The following KRT18 variants were observed in gnomAD, a reference collection of about 807,000 sequenced individuals.
KRT18 encodes the protein keratin 18, also known as keratin, type I cytoskeletal 18.
In KRT18, 8 loss-of-function variants were observed where a neutral mutation model predicts 39.9. That is an observed-to-expected ratio of 0.20 (90% CI 0.12 to 0.36). KRT18 has a LOEUF of 0.36. KRT18 is among the 10% of genes least tolerant of loss of function. The pLI, the probability that KRT18 is intolerant of heterozygous loss-of-function variation, is 1.00. For synonymous variants in KRT18, 194 were observed against 227.8 expected (o/e 0.85, Z 1.33); for missense variants, 396 against 565.7 (o/e 0.70, Z 3.04).
Position 52,950,313 on chromosome 12 carries a change from C to T in KRT18, c.418-15C>T, listed in dbSNP as rs778002761. On this transcript the variant is annotated splice_polypyrimidine_tract_variant and intron_variant, in intron 1 of 6. Transcript: ENST00000388835. ...TTTCTATTCATGGAACAACCTCTCT[C>T]TACAATCCCTCCAGATCTTCGCAAA... is the stretch of plus-strand genomic sequence containing the variant. 195 of 1,578,268 alleles carry T rather than the reference C, an allele frequency of 1.2e-4. No homozygotes were observed. The highest frequency in any genetic ancestry group is 1.9e-4 in the Middle Eastern group (1 of 5,248).
chr12:52,949,914 T>G (rs1592193652), intron 1 of KRT18: 1 of 655,758 alleles, frequency 1.5e-6, no homozygotes, highest in East Asian at 2.7e-5. Flanking sequence ...TATTGGAGGG[T>G]TAAGCGGATG....
In KRT18 at chr12:52,950,742, T is replaced by A; in HGVS notation, c.501-8T>A. 6.2e-7 allele frequency: 1 copy of A among 1,609,146 alleles called. No homozygotes were observed. On this transcript the variant is annotated splice_region_variant and splice_polypyrimidine_tract_variant and intron_variant, in intron 2 of 6. Transcript: ENST00000388835. Reference sequence around the variant, plus strand: ...TAGGGGCCCCTCTGATCACCTCCACTCCTATAGGTATGAGACAGAGCTGGC... The same window carrying A: ...TAGGGGCCCCTCTGATCACCTCCACACCTATAGGTATGAGACAGAGCTGGC...
intron 5 of KRT18, 79 bp downstream of exon 5, chr12:52,951,935 C>A: frequency 6.5e-7 from 1 of 1,549,934 alleles, no homozygotes. Context: ...CAAATCCTAT[C>A]CCTCATATCA....
chr12:52,949,929 T>C (rs1355892119), intron 1 of KRT18: 2 of 639,308 alleles, frequency 3.1e-6, no homozygotes, highest in African/African-American at 3.6e-5. Context: ...CGGATGTGGC[T>C]AAGGCTGAGT....
chr12:52,951,885 T>A (rs2120778773), intron 5 of KRT18, 29 bp downstream of exon 5: 1 of 1,603,672 alleles, frequency 6.2e-7, no homozygotes, highest in East Asian at 2.2e-5. Flanking sequence ...CCTGCCCAGC[T>A]CCTCCTTCAC....
intron 1 of KRT18, 41 bp from the exon 2 acceptor site, chr12:52,950,287 C>A: frequency 6.9e-7 from 1 of 1,444,936 alleles, no homozygotes; most frequent in Non-Finnish European, 9.7e-7. Flanking sequence ...CCATCCCTGG[C>A]TTTCTATTCA....
Position 52,949,369 on chromosome 12 carries a change from G to A in KRT18, c.196G>A (p.Gly66Arg). 6.2e-7 allele frequency: 1 copy of A among 1,610,516 alleles called. No homozygotes were observed. Among genetic ancestry groups the A allele is most frequent in the Non-Finnish European group, 8.5e-7 (1 of 1,179,806 alleles). Residue 66 changes from glycine (G) to arginine (R), a missense_variant, in exon 1 of 7, where the codon GGG becomes AGG. Physicochemically the swap from Gly to Arg is moderately radical, Grantham distance 125. Transcript: ENST00000388835. ...GGMGSGGLAT[G>R]IAGGLAGMGG... Reference sequence around the variant, plus strand: ...CATGGGGTCCGGGGGCCTGGCCACCGGGATAGCCGGGGGTCTGGCAGGAAT... The same window carrying A: ...CATGGGGTCCGGGGGCCTGGCCACCAGGATAGCCGGGGGTCTGGCAGGAAT...
At chr12:52,950,682 A>G in intron 2 of KRT18, 68 bp from the exon 3 acceptor site, 1 of 1,507,538 alleles carries the variant, frequency 6.6e-7, no homozygotes, top group Non-Finnish European at 9.1e-7. Context: ...TTCTCTTAGT[A>G]GGTGGCATGA....
At chr12:52,950,685 T>C in intron 2 of KRT18, 65 bp from the exon 3 acceptor site, 1 of 1,521,056 alleles carries the variant, frequency 6.6e-7, no homozygotes, top group Non-Finnish European at 9.0e-7. Flanking sequence ...TCTTAGTAGG[T>C]GGCATGAGTT....
upstream of KRT18, chr12:52,949,065 G>A: frequency 3.8e-6 from 4 of 1,065,384 alleles, no homozygotes; most frequent in Admixed American, 5.5e-5. Context: ...CGGCTCCGGG[G>A]CGGGGGCGGG....
intron 5 of KRT18, 78 bp from the exon 6 acceptor site, chr12:52,952,041 A>C (rs1942499313): frequency 7.3e-7 from 1 of 1,365,418 alleles, no homozygotes; most frequent in African/African-American, 1.4e-5. Context: ...AGGTGCCCAA[A>C]AAAGTTTCCA....
chr12:52,950,435 G>A (rs1942462159), intron 2 of KRT18, 25 bp downstream of exon 2: 1 of 1,528,782 alleles, frequency 6.5e-7, no homozygotes, highest in Non-Finnish European at 9.1e-7. Flanking sequence ...TAGAGAGCTG[G>A]GGGTCCAGGG....
intron 3 of KRT18, among the ~76,000 whole-genome samples, 188 bp downstream of exon 3, chr12:52,951,094 C>A (rs1232599783): frequency 6.6e-6 from 1 of 152,146 alleles, no homozygotes; most frequent in Non-Finnish European, 1.5e-5. Flanking sequence ...CCTGGCTCAC[C>A]TGAATTACAG....
chr12:52,949,001 C>T (rs1192979018), upstream of KRT18: 3 of 563,048 alleles, frequency 5.3e-6, no homozygotes, highest in Middle Eastern at 4.9e-4. Context: ...CGGAGCGGCC[C>T]GGGGCGGAGG....
intron 1 of KRT18, 132 bp from the exon 2 acceptor site, chr12:52,950,196 G>A: frequency 1.3e-6 from 1 of 774,438 alleles, no homozygotes; most frequent in Non-Finnish European, 2.4e-6. Flanking sequence ...AGGGATAGGT[G>A]TCCAGGGAGA....
At chr12:52,951,045 C>A in intron 3 of KRT18, 139 bp downstream of exon 3, 1 of 810,878 alleles carries the variant, frequency 1.2e-6, no homozygotes, top group Non-Finnish European at 1.9e-6. Flanking sequence ...TTAAATAAGA[C>A]CGTTCTGATG....
intron 1 of KRT18, chr12:52,950,101 C>A: frequency 1.5e-6 from 1 of 653,150 alleles, no homozygotes; most frequent in Non-Finnish European, 2.7e-6. Context: ...GCCAGCTAGC[C>A]AGCCTGCTGA....
At chr12:52,948,963 G>C (rs1325892658), upstream of KRT18, 2 of 458,222 alleles carry the variant, frequency 4.4e-6, no homozygotes, top group Non-Finnish European at 7.5e-6. Flanking sequence ...GCAGGGCTGC[G>C]CGGAGGGCGC....
chr12:52,949,935 T>A, intron 1 of KRT18: 1 of 634,914 alleles, frequency 1.6e-6, no homozygotes, highest in South Asian at 1.8e-5. Context: ...TGGCTAAGGC[T>A]GAGTCATCTA....
Sources: gnomAD v4.1 joint callset for allele counts (sites outside exome capture counted in the v4.1 genomes callset) on GRCh38, gnomAD v4.1.1 for gene constraint, MANE v1.5 for transcripts, NCBI Gene and HGNC (gene_info 2026-07-23, HGNC 2026-07-21) for gene names.